Variants in FAM13B observed in about 807,000 individuals in gnomAD.
FAM13B encodes family with sequence similarity 13 member B.
Under a neutral mutation model 117.3 loss-of-function variants are expected in FAM13B, and 60 were observed. The observed-to-expected ratio is 0.51, with a 90% CI of 0.42 to 0.63. FAM13B has a LOEUF of 0.63. Among genes scored for constraint, FAM13B ranks in the 30% least tolerant of loss-of-function variants. The pLI, the probability that FAM13B is intolerant of heterozygous loss-of-function variation, is 0.00. For synonymous variants in FAM13B, 332 were observed against 356.1 expected, an observed-to-expected ratio of 0.93 and a Z score of 0.76; for missense variants, 972 against 1,091.9, an observed-to-expected ratio of 0.89 and a Z score of 1.55.
At chr5:137,940,971 T>C (rs1205501612) in intron 23 of FAM13B, among the ~76,000 whole-genome samples, 1 of 152,182 alleles carries the variant, frequency 6.6e-6, no homozygotes, top group African/African-American at 2.4e-5. Context: ...AGTGGCGACA[T>C]CTCAGCTCGC....
At position 137,949,321 on chromosome 5, in the gene FAM13B, T is replaced by C. The variant is rs143544339; in HGVS notation, c.1931-137A>G. 705 of 691,300 alleles carry C rather than the reference T, an allele frequency of 1.0e-3. 8 individuals carry two copies. In the Middle Eastern group the frequency reaches 0.025, roughly 24 times the overall value. The allele number at this position is 691,300 out of a possible 1,614,324, so 42.8% of individuals were successfully genotyped here. A position where few individuals can be genotyped will look rare whatever the true frequency, so the allele number is the denominator to read the frequency against. On this transcript the variant is annotated intron_variant, in intron 17 of 23. Transcript: ENST00000689681. ...AGATATTTCAAAGCCAAATAAAACA[T>C]TTAAGAAGCAAAAAACAGCAAGACA...
chr5:137,943,520 G>A (rs536922975), intron 20 of FAM13B, among the ~76,000 whole-genome samples: 4 of 152,358 alleles, frequency 2.6e-5, no homozygotes, highest in African/African-American at 7.2e-5. Context: ...GCCAAGGCAG[G>A]CGGATCACAG....
At chr5:138,024,786 A>C (rs12188006) in intron 1 of FAM13B, among the ~76,000 whole-genome samples, 110,931 of 149,930 alleles carry the variant, frequency 0.74, 41,539 homozygotes, top group East Asian at 0.97. Flanking sequence ...TCTAAACAGC[A>C]AAATTTATAC....
At chr5:137,961,427 T>C (rs902560066) in intron 11 of FAM13B, among the ~76,000 whole-genome samples, 1 of 152,070 alleles carries the variant, frequency 6.6e-6, no homozygotes, top group African/African-American at 2.4e-5. Context: ...GTTAATGTTG[T>C]TAATTTTATA....
intron 9 of FAM13B, 83 bp downstream of exon 9, chr5:137,987,378 G>T (rs1777503769): frequency 1.6e-6 from 2 of 1,233,050 alleles, no homozygotes; most frequent in South Asian, 1.7e-5. Context: ...AGAAAGATGA[G>T]ATCCTGTTAT....
chr5:137,944,012 G>A (rs1762662566), intron 20 of FAM13B, among the ~76,000 whole-genome samples: 1 of 152,124 alleles, frequency 6.6e-6, no homozygotes, highest in South Asian at 2.1e-4. Context: ...GTGCCCATTA[G>A]CTGTTACTCA....
At chr5:137,995,318 CT>C (rs1355864944) in intron 7 of FAM13B, among the ~76,000 whole-genome samples, 2 of 152,182 alleles carry the variant, frequency 1.3e-5, no homozygotes, top group Non-Finnish European at 2.9e-5. Context: ...ACTTTTTAAT[CT>C]AGCTAGACTT....
At chr5:138,041,063 CAAAAA>C (rs5871662) in intron 1 of FAM13B, among the ~76,000 whole-genome samples, 2 of 70,472 alleles carry the variant, frequency 2.8e-5, no homozygotes, top group African/African-American at 5.8e-5. Flanking sequence ...GACTCCATCT[CAAAAA>C]AAAAAAAAAA....
At chr5:137,970,321 A>G (rs1379718545) in intron 10 of FAM13B, among the ~76,000 whole-genome samples, 2 of 152,114 alleles carry the variant, frequency 1.3e-5, no homozygotes, top group Non-Finnish European at 2.9e-5. Context: ...TTCTTAAACA[A>G]AAGAATTTTC....
chr5:138,025,313 A>ATATATATATTTTTT (rs1788041739), intron 1 of FAM13B, among the ~76,000 whole-genome samples: 1 of 111,198 alleles, frequency 9.0e-6, no homozygotes, highest in Admixed American at 1.0e-4. Flanking sequence ...ATATATATGT[A>ATATATATATTTTTT]TTTTTTTTTT....
chr5:137,991,631 C>CAT (rs1190131729), intron 7 of FAM13B, among the ~76,000 whole-genome samples: 1 of 152,182 alleles, frequency 6.6e-6, no homozygotes, highest in East Asian at 1.9e-4. Context: ...AAACAACCAT[C>CAT]ATATGCACTT....
At chr5:137,974,392 A>T (rs1400159507) in intron 10 of FAM13B, among the ~76,000 whole-genome samples, 1 of 142,504 alleles carries the variant, frequency 7.0e-6, no homozygotes, top group Non-Finnish European at 1.5e-5. Context: ...TCTCACTCAT[A>T]GGTGGGAATT....
intron 1 of FAM13B, among the ~76,000 whole-genome samples, chr5:138,040,632 A>G (rs1465955670): frequency 6.6e-6 from 1 of 152,202 alleles, no homozygotes; most frequent in Non-Finnish European, 1.5e-5. Context: ...TCAAAGAAAT[A>G]GTGGCTGAAC....
chr5:137,981,895 TGAG>T (rs112220715), intron 10 of FAM13B, among the ~76,000 whole-genome samples: 13 of 151,958 alleles, frequency 8.6e-5, no homozygotes, highest in Admixed American at 4.6e-4. Flanking sequence ...CAGACAGTGA[TGAG>T]GAGATTTGGT....
At chr5:138,046,000 A>C (rs1791631012) in intron 1 of FAM13B, among the ~76,000 whole-genome samples, 1 of 152,016 alleles carries the variant, frequency 6.6e-6, no homozygotes, top group African/African-American at 2.4e-5. Context: ...GTCCCCACCC[A>C]AATCTCATCT....
At chr5:137,976,193 G>C (rs1423885946) in intron 10 of FAM13B, among the ~76,000 whole-genome samples, 5 of 151,938 alleles carry the variant, frequency 3.3e-5, no homozygotes, top group African/African-American at 7.3e-5. Flanking sequence ...CTGACTTCGT[G>C]ATCCACCCAC....
upstream of FAM13B, chr5:138,036,257 A>G: frequency 2.7e-6 from 1 of 363,842 alleles, no homozygotes; most frequent in Non-Finnish European, 5.5e-6. Flanking sequence ...AGATGGAAGC[A>G]AAGCGTCTGG....
intron 1 of FAM13B, among the ~76,000 whole-genome samples, chr5:138,046,746 T>C (rs1461266120): frequency 1.3e-5 from 2 of 152,058 alleles, no homozygotes; most frequent in African/African-American, 2.4e-5. Context: ...TTCTTTTCTT[T>C]TTTTCTTTTC....
chr5:138,011,251 T>G, intron 5 of FAM13B, 102 bp from the exon 6 acceptor site: 1 of 1,077,936 alleles, frequency 9.3e-7, no homozygotes, highest in Non-Finnish European at 1.3e-6. Flanking sequence ...GCAATTTATG[T>G]TACCATTCTG....
Sources: gnomAD v4.1 joint callset for allele counts (sites outside exome capture counted in the v4.1 genomes callset) on GRCh38, gnomAD v4.1.1 for gene constraint, MANE v1.5 for transcripts, NCBI Gene and HGNC (gene_info 2026-07-23, HGNC 2026-07-21) for gene names.